The following AMPH variants were observed in gnomAD, a reference collection of about 807,000 sequenced individuals.
The protein encoded by AMPH is amphiphysin (Stiff-Mann syndrome with breast cancer 128kD autoantigen).
In AMPH, 49 loss-of-function variants were observed where a neutral mutation model predicts 99.1. That is an observed-to-expected ratio of 0.49 (90% CI 0.39 to 0.63). The LOEUF (loss-of-function observed/expected upper bound fraction) is 0.63, where lower values mean the gene tolerates loss of function less well. AMPH is among the 20% of genes least tolerant of loss of function. AMPH has a pLI of 0.00. For synonymous variants in AMPH, 314 were observed against 317.3 expected (o/e 0.99, Z 0.11); for missense variants, 759 against 863.4 (o/e 0.88, Z 1.52).
chr7:38,465,375 G>T, intron 9 of AMPH, 92 bp downstream of exon 9: 1 of 1,110,522 alleles, frequency 9.0e-7, no homozygotes, highest in South Asian at 1.6e-5. Flanking sequence ...TGGGACTTTT[G>T]TAGGATAAAT....
intron 5 of AMPH, among the ~76,000 whole-genome samples, chr7:38,482,187 G>A (rs1788309336): frequency 6.6e-6 from 1 of 152,080 alleles, no homozygotes; most frequent in Non-Finnish European, 1.5e-5. Flanking sequence ...TTGGTTGATA[G>A]CCTCTATGTA....
chr7:38,495,021 C>T (rs182694350), intron 3 of AMPH, among the ~76,000 whole-genome samples: 15 of 152,232 alleles, frequency 9.9e-5, no homozygotes, highest in Non-Finnish European at 1.9e-4. Context: ...ATGGTAAACA[C>T]GGTTAAAGTG....
intron 12 of AMPH, among the ~76,000 whole-genome samples, chr7:38,434,259 T>C (rs1005033412): frequency 3.3e-5 from 5 of 152,184 alleles, no homozygotes; most frequent in African/African-American, 1.2e-4. Flanking sequence ...GTCATTTTTG[T>C]TTAATTTTGA....
intron 20 of AMPH, among the ~76,000 whole-genome samples, chr7:38,388,376 A>C (rs1157167140): frequency 2.0e-5 from 3 of 152,034 alleles, no homozygotes; most frequent in Non-Finnish European, 4.4e-5. Flanking sequence ...AGTATTTCTA[A>C]GGTTTTAATA....
chr7:38,422,344 C>G (rs1261827706), intron 16 of AMPH, 77 bp downstream of exon 16: 9 of 1,202,316 alleles, frequency 7.5e-6, no homozygotes, highest in Non-Finnish European at 1.1e-5. Flanking sequence ...AAACTCTAGA[C>G]AGCCTAGAAT....
chr7:38,464,086 C>T (rs1462611446), intron 9 of AMPH: 1 of 1,289,664 alleles, frequency 7.8e-7, no homozygotes, highest in Non-Finnish European at 1.0e-6. Flanking sequence ...TGAGCTCACT[C>T]ACCACCTCAT....
At chr7:38,471,002 T>C (rs1787861446) in intron 7 of AMPH, among the ~76,000 whole-genome samples, 1 of 152,202 alleles carries the variant, frequency 6.6e-6, no homozygotes, top group African/African-American at 2.4e-5. Flanking sequence ...TGCCTTTCCC[T>C]GTCCTTCAAT....
chr7:38,477,006 T>C (rs763481308), intron 5 of AMPH, 37 bp from the exon 6 acceptor site: 3 of 1,589,980 alleles, frequency 1.9e-6, no homozygotes, highest in South Asian at 1.1e-5. Context: ...GAAAGAAGCA[T>C]GGACATAAGA....
At chr7:38,414,710 G>C (rs974576213) in intron 17 of AMPH, among the ~76,000 whole-genome samples, 3 of 151,824 alleles carry the variant, frequency 2.0e-5, no homozygotes, top group African/African-American at 7.3e-5. Context: ...TGTCGCCCTG[G>C]TTGGAGTGCA....
chr7:38,499,961 T>C (rs1789074406), intron 3 of AMPH, among the ~76,000 whole-genome samples: 1 of 152,322 alleles, frequency 6.6e-6, no homozygotes, highest in South Asian at 2.1e-4. Flanking sequence ...GCCTTTGCCA[T>C]GATTGTGAGG....
intron 7 of AMPH, among the ~76,000 whole-genome samples, chr7:38,466,769 T>C (rs1414522660): frequency 6.6e-6 from 1 of 152,132 alleles, no homozygotes; most frequent in Non-Finnish European, 1.5e-5. Context: ...TGAAATTTGT[T>C]TCATAGAAGG....
chr7:38,630,637 C>T (rs574462632), intron 1 of AMPH, among the ~76,000 whole-genome samples: 1 of 152,330 alleles, frequency 6.6e-6, no homozygotes, highest in South Asian at 2.1e-4. Context: ...AAAAGGGACA[C>T]AAACATATAG....
At chr7:38,599,309 C>A (rs377246335) in intron 1 of AMPH, among the ~76,000 whole-genome samples, 43 of 152,292 alleles carry the variant, frequency 2.8e-4, no homozygotes, top group African/African-American at 9.9e-4. Context: ...GACAGTAGGA[C>A]CAACCCCTCT....
chr7:38,504,086 G>T (rs887306627), intron 2 of AMPH, among the ~76,000 whole-genome samples: 7 of 152,180 alleles, frequency 4.6e-5, no homozygotes, highest in Non-Finnish European at 7.3e-5. Flanking sequence ...GAGATGTACT[G>T]TAAGGGTATT....
At chr7:38,602,914 T>C (rs1344760383) in intron 1 of AMPH, among the ~76,000 whole-genome samples, 1 of 152,120 alleles carries the variant, frequency 6.6e-6, no homozygotes, top group Non-Finnish European at 1.5e-5. Context: ...TGGTGTATCG[T>C]CTTCAAAAAG....
intron 6 of AMPH, 141 bp downstream of exon 6, chr7:38,476,721 A>C (rs1788098752): frequency 5.1e-6 from 3 of 591,542 alleles, no homozygotes; most frequent in Non-Finnish European, 8.9e-6. Context: ...AATTAAAAAT[A>C]ATAAAAAGCA....
chr7:38,519,084 A>G (rs958290611), intron 2 of AMPH, among the ~76,000 whole-genome samples: 1 of 152,230 alleles, frequency 6.6e-6, no homozygotes, highest in Non-Finnish European at 1.5e-5. Context: ...TGTCACGTTA[A>G]CTTGCTTCTA....
chr7:38,456,160 C>T (rs1054228634), intron 11 of AMPH, among the ~76,000 whole-genome samples: 1 of 152,192 alleles, frequency 6.6e-6, no homozygotes, highest in Admixed American at 6.5e-5. Context: ...GGAAGCCAGG[C>T]ACTTGCAGAC....
intron 15 of AMPH, among the ~76,000 whole-genome samples, chr7:38,426,045 A>C (rs138266481): frequency 1.0e-3 from 158 of 152,318 alleles, no homozygotes; most frequent in African/African-American, 3.7e-3. Flanking sequence ...TGGATGTGGG[A>C]ATATCAGTGG....
Sources: allele counts gnomAD v4.1 joint callset (sites outside exome capture counted in the v4.1 genomes callset), GRCh38; gene constraint gnomAD v4.1.1; transcripts MANE v1.5; gene names NCBI Gene and HGNC (gene_info 2026-07-23, HGNC 2026-07-21).